RBFOX1: variants seen among roughly 807,000 people sequenced by gnomAD.
The protein encoded by RBFOX1 is RNA binding protein fox-1 homolog 1.
In RBFOX1, 8 loss-of-function variants were observed where a neutral mutation model predicts 57.7. The ratio of observed to expected loss-of-function variants is 0.14; its 90% CI spans 0.08 to 0.25. RBFOX1 has a LOEUF of 0.25. RBFOX1 is among the 10% of genes least tolerant of loss of function. The probability of loss-of-function intolerance (pLI) is 1.00; values close to 1 mark genes in which losing one functional copy is unlikely to be tolerated. For missense variants in RBFOX1, 611 were observed against 548.5 expected, an observed-to-expected ratio of 1.11 and a Z score of -1.14; for synonymous variants, 326 against 222.4, an observed-to-expected ratio of 1.47 and a Z score of -4.15.
intron 4 of RBFOX1, among the ~76,000 whole-genome samples, chr16:7,313,506 C>T (rs1460106721): frequency 7.3e-6 from 1 of 136,782 alleles, no homozygotes; most frequent in Non-Finnish European, 1.5e-5. Context: ...TGGTTCCGTT[C>T]AAAAAATGAG....
chr16:6,223,270 C>T (rs1037991372), intron 1 of RBFOX1, among the ~76,000 whole-genome samples: 4 of 151,082 alleles, frequency 2.6e-5, no homozygotes, highest in Non-Finnish European at 3.0e-5. Context: ...CCTGAGGAAT[C>T]GCCACACTGA....
At chr16:7,384,273 A>G (rs534618288) in intron 4 of RBFOX1, among the ~76,000 whole-genome samples, 1 of 152,226 alleles carries the variant, frequency 6.6e-6, no homozygotes, top group Admixed American at 6.5e-5. Context: ...TGAAATATAT[A>G]TGTATGAATA....
intron 4 of RBFOX1, among the ~76,000 whole-genome samples, chr16:5,943,747 G>T (rs1241995546): frequency 6.6e-6 from 1 of 152,118 alleles, no homozygotes; most frequent in Admixed American, 6.5e-5. Flanking sequence ...TACAAGTAGT[G>T]CCTGAACAAG....
intron 1 of RBFOX1, among the ~76,000 whole-genome samples, chr16:6,120,525 TGTCTCA>T (rs1205377273): frequency 6.6e-6 from 1 of 152,192 alleles, no homozygotes; most frequent in Admixed American, 6.5e-5. Flanking sequence ...TCGTATAATT[TGTCTCA>T]GTCTCAGTTT....
chr16:6,132,236 A>G (rs887771128), intron 1 of RBFOX1, among the ~76,000 whole-genome samples: 14 of 152,218 alleles, frequency 9.2e-5, no homozygotes, highest in African/African-American at 3.4e-4. Flanking sequence ...ATGCTCAGCA[A>G]GTATTCCCTT....
rs984967918 is a variant in RBFOX1 at position 6,400,655 on chromosome 16, G to A, written c.-64+83598G>A. On this transcript the variant is annotated intron_variant, in intron 2 of 15. Transcript: ENST00000550418. ...TCCCAGCACTGTGGGAGGCTGAGGC[G>A]GGCAAGTTACTTGAAATCAAGAGTG... 4.6e-5 allele frequency among the ~76,000 whole-genome samples: 7 copies of A among 152,286 alleles called. No homozygotes were observed. The South Asian group carries it at 8.3e-4, about 18-fold the overall frequency.
intron 3 of RBFOX1, among the ~76,000 whole-genome samples, chr16:7,051,851 G>C (rs1373284515): frequency 1.3e-5 from 2 of 152,096 alleles, no homozygotes; most frequent in Admixed American, 6.6e-5. Context: ...TCCAGTCTCT[G>C]ACTTATCCTA....
At chr16:7,410,126 T>G (rs1359419046) in intron 4 of RBFOX1, among the ~76,000 whole-genome samples, 1 of 152,186 alleles carries the variant, frequency 6.6e-6, no homozygotes, top group Non-Finnish European at 1.5e-5. Flanking sequence ...ATTTGACAAT[T>G]GTTAACCTAC....
chr16:6,843,375 A>C (rs2093593041), intron 3 of RBFOX1, among the ~76,000 whole-genome samples: 2 of 152,262 alleles, frequency 1.3e-5, no homozygotes, highest in African/African-American at 4.8e-5. Context: ...CTTTTTGTAT[A>C]GCCCAATCTT....
In RBFOX1 at chr16:6,581,357, T is replaced by A. The variant is rs376054343; in HGVS notation, c.-63-73246T>A. On this transcript the variant is annotated intron_variant, in intron 2 of 15. Coordinates refer to ENST00000550418, the MANE Select transcript of RBFOX1 (RefSeq NM_018723.4). ...CCCTTGCCTTCCTCTTTGTTGGAGA[T>A]GGTGGTTATTTGTTTGAGTCTTTTA... is the stretch of plus-strand genomic sequence containing the variant. Among the ~76,000 whole-genome samples, 61 of 152,310 alleles carry A rather than the reference T, an allele frequency of 4.0e-4. 3 individuals carry two copies. The South Asian group carries it at 0.012, about 31-fold the overall frequency.
chr16:6,440,966 G>A (rs527856457), intron 2 of RBFOX1, among the ~76,000 whole-genome samples: 5 of 152,268 alleles, frequency 3.3e-5, no homozygotes, highest in African/African-American at 7.2e-5. Context: ...TCTAGGCTGC[G>A]TCTGTGGAGT....
chr16:6,660,045 T>C (rs1235102922), intron 3 of RBFOX1, among the ~76,000 whole-genome samples: 1 of 151,586 alleles, frequency 6.6e-6, no homozygotes, highest in Non-Finnish European at 1.5e-5. Context: ...GCCAACATAG[T>C]GAAACATCAT....
At chr16:6,575,056 A>T (rs1209306594) in intron 2 of RBFOX1, among the ~76,000 whole-genome samples, 270 of 133,336 alleles carry the variant, frequency 2.0e-3, no homozygotes, top group Middle Eastern at 0.013. Context: ...AAAAAAAAAA[A>T]AAAAAACAGC....
At chr16:7,211,735 G>A (rs895314090) in intron 4 of RBFOX1, among the ~76,000 whole-genome samples, 1 of 152,096 alleles carries the variant, frequency 6.6e-6, no homozygotes. Flanking sequence ...GTGCCAGGTG[G>A]GCATTCGCCT....
intron 2 of RBFOX1, among the ~76,000 whole-genome samples, chr16:5,477,942 C>T (rs757157260): frequency 6.6e-6 from 1 of 152,192 alleles, no homozygotes; most frequent in African/African-American, 2.4e-5. Flanking sequence ...AAATGCAGTT[C>T]TCCTTGGTTC....
chr16:6,504,917 G>C lies in RBFOX1; in HGVS notation c.-63-149686G>C, dbSNP rs1160392795. 2.0e-5 allele frequency among the ~76,000 whole-genome samples: 3 copies of C among 151,242 alleles called. No homozygotes were observed. In the East Asian group the frequency reaches 5.9e-4, roughly 30 times the overall value. On this transcript the variant is annotated intron_variant, in intron 2 of 15. Transcript: ENST00000550418. ...AAAATTACAAAAAAAAAAAAATTTT[G>C]TAATTTTTTAACTGGGCTAGTGGCA...
chr16:7,468,079 A>G (rs1447900917), intron 4 of RBFOX1, among the ~76,000 whole-genome samples: 2 of 152,242 alleles, frequency 1.3e-5, no homozygotes, highest in Non-Finnish European at 2.9e-5. Context: ...GCTGCTTGCA[A>G]ATAAGCGAGC....
At chr16:7,503,628 A>G (rs545176058) in intron 4 of RBFOX1, among the ~76,000 whole-genome samples, 1 of 152,186 alleles carries the variant, frequency 6.6e-6, no homozygotes, top group African/African-American at 2.4e-5. Flanking sequence ...CCCCCTTTAG[A>G]AAAAGTGGGC....
intron 2 of RBFOX1, among the ~76,000 whole-genome samples, chr16:6,448,529 G>A (rs915763793): frequency 6.6e-6 from 1 of 152,066 alleles, no homozygotes; most frequent in African/African-American, 2.4e-5. Context: ...ACATTTCTGT[G>A]TATCACAGAA....
Sources: gnomAD v4.1 joint callset for allele counts (sites outside exome capture counted in the v4.1 genomes callset) on GRCh38, gnomAD v4.1.1 for gene constraint, MANE v1.5 for transcripts, NCBI Gene and HGNC (gene_info 2026-07-23, HGNC 2026-07-21) for gene names.